The following CSMD2 variants were observed in gnomAD, a reference collection of about 807,000 sequenced individuals.
CSMD2 encodes the protein CUB and Sushi multiple domains 2, also known as CUB and sushi domain-containing protein 2.
Under a neutral mutation model 398.5 loss-of-function variants are expected in CSMD2, and 130 were observed. The ratio of observed to expected loss-of-function variants is 0.33; its 90% CI spans 0.28 to 0.38. The LOEUF (loss-of-function observed/expected upper bound fraction) is 0.38, where lower values mean the gene tolerates loss of function less well. CSMD2 is among the 10% of genes least tolerant of loss of function. The probability of loss-of-function intolerance (pLI) is 1.00; values close to 1 mark genes in which losing one functional copy is unlikely to be tolerated. For synonymous variants in CSMD2, 1,828 were observed against 1,908.5 expected (o/e 0.96, Z 1.10); for missense variants, 3,829 against 4,764.9 (o/e 0.80, Z 5.78).
chr1:33,847,037 G>T, intron 5 of CSMD2, 41 bp from the exon 6 acceptor site: 1 of 1,380,100 alleles, frequency 7.2e-7, no homozygotes, highest in Non-Finnish European at 1.0e-6. Flanking sequence ...GACCAGAGCT[G>T]AGTGGTATAG....
At chr1:33,567,879 C>A in intron 52 of CSMD2, 38 bp from the exon 53 acceptor site, 2 of 1,543,576 alleles carry the variant, frequency 1.3e-6, no homozygotes, top group Non-Finnish European at 1.7e-6. Context: ...ACCAACTATC[C>A]CACAACTCAT....
At chr1:33,732,353 C>T (rs565906250) in intron 15 of CSMD2, among the ~76,000 whole-genome samples, 143 of 152,338 alleles carry the variant, frequency 9.4e-4, no homozygotes, top group South Asian at 7.7e-3. Flanking sequence ...GGTTGAAACC[C>T]TAGCCACCAA....
intron 3 of CSMD2, among the ~76,000 whole-genome samples, chr1:33,978,438 G>A (rs956014368): frequency 3.3e-5 from 5 of 152,242 alleles, no homozygotes; most frequent in South Asian, 2.1e-4. Flanking sequence ...AGGTAGACCC[G>A]CAACCCACTC....
At chr1:34,063,692 G>A (rs1225621403) in intron 2 of CSMD2, among the ~76,000 whole-genome samples, 1 of 152,222 alleles carries the variant, frequency 6.6e-6, no homozygotes, top group Non-Finnish European at 1.5e-5. Flanking sequence ...ACTGCAAGCT[G>A]TTGGTGGATC....
intron 3 of CSMD2, among the ~76,000 whole-genome samples, chr1:34,011,879 C>T (rs572815411): frequency 6.6e-6 from 1 of 152,262 alleles, no homozygotes; most frequent in Non-Finnish European, 1.5e-5. Context: ...CCACTCACAA[C>T]CCTTCCCAGC....
At chr1:33,750,402 C>T (rs145925636) in intron 13 of CSMD2, among the ~76,000 whole-genome samples, 1 of 152,260 alleles carries the variant, frequency 6.6e-6, no homozygotes, top group African/African-American at 2.4e-5. Context: ...CTATTATTAA[C>T]CTACTTTACA....
intron 12 of CSMD2, among the ~76,000 whole-genome samples, chr1:33,773,034 AC>A (rs1651496129): frequency 6.6e-6 from 1 of 152,050 alleles, no homozygotes; most frequent in African/African-American, 2.4e-5. Context: ...TTGATCCCTT[AC>A]CCCTCCCTAA....
chr1:33,765,661 A>G (rs2149313366), intron 13 of CSMD2, among the ~76,000 whole-genome samples: 1 of 152,356 alleles, frequency 6.6e-6, no homozygotes, highest in African/African-American at 2.4e-5. Flanking sequence ...TCAGCTTTGA[A>G]AATAAATCAC....
chr1:33,519,925 G>A lies in CSMD2; in HGVS notation c.10623C>T (p.Pro3541=), dbSNP rs898921134. The A allele has an allele frequency of 3.7e-6, 6 of 1,614,146 alleles. No individual in the cohort carries two copies. Among genetic ancestry groups the A allele is most frequent in the East Asian group, 2.2e-5 (1 of 44,878 alleles). The change falls in exon 69 of 71, where the codon CCC becomes CCT. Residue 3541 remains proline (P), a synonymous_variant. Transcript: ENST00000373381. This position sits in a 1 kb window ranked among gnomAD's most constrained non-coding sequence, Gnocchi z 5.6. ...AAGCAAAGTGGCGGCCAATGGACTCGGGGTCTGACTCCAGCAGCCTGAGGT... is the reference window on the plus strand; with the variant it reads ...AAGCAAAGTGGCGGCCAATGGACTCAGGGTCTGACTCCAGCAGCCTGAGGT... ...RLDLRLLESD[P]ESIGRHFASN... is the part of the protein sequence containing the mutation.
intron 20 of CSMD2, among the ~76,000 whole-genome samples, chr1:33,715,334 C>A (rs994376129): frequency 6.6e-6 from 1 of 152,242 alleles, no homozygotes; most frequent in Non-Finnish European, 1.5e-5. Flanking sequence ...GTCTCAGCTA[C>A]GTTGGCACTT....
intron 41 of CSMD2, among the ~76,000 whole-genome samples, chr1:33,609,761 G>A (rs368634049): frequency 1.7e-4 from 26 of 152,044 alleles, no homozygotes; most frequent in Admixed American, 1.5e-3. Context: ...CGAGAAAAGC[G>A]GGGAATACAT....
chr1:33,573,663 C>T (rs997959626), intron 49 of CSMD2, among the ~76,000 whole-genome samples: 1 of 151,978 alleles, frequency 6.6e-6, no homozygotes, highest in Non-Finnish European at 1.5e-5. Flanking sequence ...ACAGAAAACA[C>T]GGATCAATCC....
At position 33,616,974 on chromosome 1, in the gene CSMD2, C is replaced by T. The variant is rs768207021; in HGVS notation, c.5948G>A (p.Gly1983Asp). 6.2e-7 allele frequency: 1 copy of T among 1,613,924 alleles called. No individual in the cohort carries two copies. The highest frequency in any genetic ancestry group is 8.5e-7 in the Non-Finnish European group (1 of 1,179,880). The change falls in exon 39 of 71, where the codon GGC becomes GAC. Residue 1983 changes from glycine (G) to aspartate (D), a missense_variant and splice_region_variant. This residue lies in a region of CSMD2 where 2,001 missense variants were observed against 2,567.1 expected (regional missense o/e 0.78). Coordinates refer to ENST00000373381, the MANE Select transcript of CSMD2 (RefSeq NM_001281956.2). The stretch of plus-strand genomic sequence containing the variant: ...GGGCATGCAGGAGATGTGGGCGTGG[C>T]CCTGGAGGAATCAGGAACAGGGATG... ...FQCEPGYALQ[G>D]HAHISCMPGT...
chr1:34,035,052 T>A (rs963634751), intron 2 of CSMD2, among the ~76,000 whole-genome samples: 1 of 152,122 alleles, frequency 6.6e-6, no homozygotes, highest in Non-Finnish European at 1.5e-5. Flanking sequence ...AAACAGATCC[T>A]GCACTTAACA....
intron 29 of CSMD2, among the ~76,000 whole-genome samples, chr1:33,640,307 A>G (rs771146545): frequency 5.3e-5 from 8 of 152,198 alleles, no homozygotes; most frequent in Non-Finnish European, 1.0e-4. Context: ...GAATAGCACT[A>G]TTCTTTGAAT....
chr1:33,554,689 C>T (rs2148642921), intron 55 of CSMD2, among the ~76,000 whole-genome samples: 1 of 152,272 alleles, frequency 6.6e-6, no homozygotes, highest in East Asian at 1.9e-4. Flanking sequence ...TCTGCTTGTG[C>T]TCTATAAATG....
intron 1 of CSMD2, among the ~76,000 whole-genome samples, chr1:34,109,953 A>T (rs1660885931): frequency 6.8e-6 from 1 of 147,382 alleles, no homozygotes; most frequent in Non-Finnish European, 1.5e-5. Context: ...AGGCAGGAGA[A>T]TCGGGTGAAC....
intron 15 of CSMD2, among the ~76,000 whole-genome samples, chr1:33,735,059 G>A (rs997288514): frequency 1.3e-5 from 2 of 152,084 alleles, no homozygotes; most frequent in Non-Finnish European, 2.9e-5. Flanking sequence ...AATTTTCTAC[G>A]GGGATGTCGA....
chr1:33,918,351 C>T, intron 4 of CSMD2, 50 bp from the exon 5 acceptor site: 1 of 1,511,532 alleles, frequency 6.6e-7, no homozygotes, highest in Non-Finnish European at 9.1e-7. Context: ...GTTTTCAAGC[C>T]CTAGCACTCA....
Sources: gnomAD v4.1 joint callset for allele counts (sites outside exome capture counted in the v4.1 genomes callset) on GRCh38, gnomAD v4.1.1 for gene constraint, gnomAD v4.1.1 regional missense constraint, Gnocchi (gnomAD v3.1) non-coding constraint, MANE v1.5 for transcripts, NCBI Gene and HGNC (gene_info 2026-07-23, HGNC 2026-07-21) for gene names.